Variants in CASP2 observed in about 807,000 individuals in gnomAD.
CASP2 encodes caspase 2.
Under a neutral mutation model 54.4 loss-of-function variants are expected in CASP2, and 38 were observed. That is an observed-to-expected ratio of 0.70 (90% CI 0.54 to 0.92). The LOEUF is 0.92. Ranked by LOEUF, CASP2 falls within the 40% of genes least tolerant of loss-of-function variation. The probability of loss-of-function intolerance (pLI) is 0.00; values close to 1 mark genes in which losing one functional copy is unlikely to be tolerated. For missense variants in CASP2, 512 were observed against 579.6 expected (o/e 0.88, Z 1.20); for synonymous variants, 215 against 216.3 (o/e 0.99, Z 0.05).
chr7:143,303,682 C>A, intron 8 of CASP2, 102 bp from the exon 9 acceptor site: 1 of 970,956 alleles, frequency 1.0e-6, no homozygotes, highest in Non-Finnish European at 1.6e-6. Context: ...GGAAATGGCT[C>A]TTCCCCTTCA....
intron 3 of CASP2, 49 bp downstream of exon 3, chr7:143,292,516 G>C (rs760825766): frequency 6.2e-7 from 1 of 1,610,484 alleles, no homozygotes; most frequent in East Asian, 2.2e-5. Context: ...AGTTTGACTG[G>C]AAAGGAATTT....
At chr7:143,292,866 C>T (rs1354499273) in intron 4 of CASP2, among the ~76,000 whole-genome samples, 168 bp downstream of exon 4, 1 of 152,102 alleles carries the variant, frequency 6.6e-6, no homozygotes, top group Non-Finnish European at 1.5e-5. Flanking sequence ...TAAAAACTAG[C>T]TGGGCATGGT....
intron 10 of CASP2, 53 bp downstream of exon 10, chr7:143,304,836 C>G: frequency 6.2e-7 from 1 of 1,605,952 alleles, no homozygotes; most frequent in South Asian, 1.1e-5. Flanking sequence ...CTCTACTTTC[C>G]TCCTCTCTTG....
chr7:143,294,792 A>ATTGACATG lies in CASP2; in HGVS notation c.747+21_747+28dup. ...TGCACAGGTACCTGAGGTGGGAAAA[A>ATTGACATG]TTGACATGTAAATTAGAGGACTGAA... On this transcript the variant is annotated intron_variant, in intron 6 of 10. Transcript: ENST00000310447. 1.2e-6 allele frequency: 2 copies of ATTGACATG among 1,607,414 alleles called. No individual in the cohort carries two copies. Among genetic ancestry groups the ATTGACATG allele is most frequent in the Non-Finnish European group, 8.5e-7 (1 of 1,174,898 alleles).
intron 6 of CASP2, among the ~76,000 whole-genome samples, chr7:143,299,622 CAG>C (rs1485975539): frequency 1.3e-5 from 2 of 152,200 alleles, no homozygotes; most frequent in Non-Finnish European, 2.9e-5. Context: ...GGGAATTAAT[CAG>C]AGTTGACCAG....
At chr7:143,301,903 G>A (rs1022170221) in intron 8 of CASP2, 2 of 152,234 alleles carry the variant, frequency 1.3e-5, no homozygotes, top group Non-Finnish European at 2.9e-5. Context: ...GCTTAAGTAA[G>A]AAATAATGTG....
At position 143,307,298 on chromosome 7, in the gene CASP2, ATGTT is replaced by A. The variant is rs1802091771; in HGVS notation, c.*2232_*2235del. 6.6e-6 allele frequency: 1 copy of A among 152,216 alleles called. No homozygotes were observed. The highest frequency in any genetic ancestry group is 2.4e-5 in the African/African-American group (1 of 41,462). The allele number at this position is 152,216 out of a possible 1,614,324, so 9.4% of individuals were successfully genotyped here. A position where few individuals can be genotyped will look rare whatever the true frequency, so the allele number is the denominator to read the frequency against. ...TTGGCACATAGTGGGCCTTCATTAA[ATGTT>A]TGTTGAATAAAAGAGGGAAGAAGGC... On this transcript the variant is annotated 3_prime_UTR_variant, in exon 11 of 11. Coordinates refer to ENST00000310447, the MANE Select transcript of CASP2 (RefSeq NM_032982.4).
chr7:143,307,010 T>C lies in CASP2; in HGVS notation c.*1939T>C, dbSNP rs1206936335. The C allele has an allele frequency of 6.6e-6, 1 of 152,356 alleles. No individual in the cohort carries two copies. The highest frequency in any genetic ancestry group is 1.5e-5 in the Non-Finnish European group (1 of 68,166). 9.4% of individuals were successfully genotyped at this position (152,356 alleles called of 1,614,324 possible). A position where few individuals can be genotyped will look rare whatever the true frequency, so the allele number is the denominator to read the frequency against. ...TAATTTTGTGCTCTTTCCTGCCCTT[T>C]TCCTGGGCCTTCTCAGCTCTCCACC... On this transcript the variant is annotated 3_prime_UTR_variant, in exon 11 of 11. Coordinates refer to ENST00000310447, the MANE Select transcript of CASP2 (RefSeq NM_032982.4).
In CASP2 at chr7:143,305,097, A is replaced by G. The variant is rs751640185; in HGVS notation, c.*26A>G. 1.2e-6 allele frequency: 2 copies of G among 1,613,720 alleles called. No homozygotes were observed. The highest frequency in any genetic ancestry group is 2.2e-5 in the South Asian group (2 of 91,070). On this transcript the variant is annotated 3_prime_UTR_variant, in exon 11 of 11. Transcript: ENST00000310447. ...TGTCACCTCCCCATCATCCACGCCAAGTGGAAGCCACTGGACCACAGGAGG... is the reference window on the plus strand; with the variant it reads ...TGTCACCTCCCCATCATCCACGCCAGGTGGAAGCCACTGGACCACAGGAGG...
chr7:143,304,867 C>A, intron 10 of CASP2, 73 bp from the exon 11 acceptor site: 1 of 1,609,822 alleles, frequency 6.2e-7, no homozygotes, highest in Non-Finnish European at 8.5e-7. Context: ...CATAGTCCGT[C>A]TCCCCTTCCC....
chr7:143,288,484 C>T lies in CASP2; in HGVS notation c.29C>T (p.Ser10Phe). ...GCGGCGCCGAGCGCGGGGTCTTGGT[C>T]CACCTTCCAGCACAAGGAGCTGATG... The part of the protein sequence containing the change: MAAPSAGSW[S>F]TFQHKELMAA... Residue 10 changes from serine (S) to phenylalanine (F), a missense_variant, in exon 1 of 11, where the codon TCC becomes TTC. Ser to Phe is a radical substitution (Grantham distance 155, BLOSUM62 -2). Transcript: ENST00000310447. 6.2e-7 allele frequency: 1 copy of T among 1,613,334 alleles called. No individual in the cohort carries two copies. The highest frequency in any genetic ancestry group is 2.2e-5 in the East Asian group (1 of 44,864).
At chr7:143,300,391 T>C (rs1379530180) in intron 8 of CASP2, 97 bp downstream of exon 8, 28 of 1,600,546 alleles carry the variant, frequency 1.7e-5, no homozygotes, top group Non-Finnish European at 2.3e-5. Flanking sequence ...TGCTATTGGA[T>C]CCCTTGGGCA....
intron 9 of CASP2, 47 bp from the exon 10 acceptor site, chr7:143,304,627 G>A: frequency 7.3e-7 from 1 of 1,362,944 alleles, no homozygotes; most frequent in Non-Finnish European, 1.1e-6. Context: ...GGGAAGTGCA[G>A]CTGTGTGATG....
rs1032223763 is a variant in CASP2, at chr7:143,288,378, G to T, written c.-78G>T. On this transcript the variant is annotated 5_prime_UTR_variant, in exon 1 of 11. Transcript: ENST00000310447. ...AGTGTGCGTCCGCGTCTGAGGGGAG[G>T]GATGTGGGGGAAGCGACGGCCCCCG... 7.1e-7 allele frequency: 1 copy of T among 1,415,782 alleles called. No homozygotes were observed. The allele number at this position is 1,415,782 out of a possible 1,614,324, so 87.7% of individuals were successfully genotyped here. A position where few individuals can be genotyped will look rare whatever the true frequency, so the allele number is the denominator to read the frequency against.
intron 4 of CASP2, among the ~76,000 whole-genome samples, chr7:143,292,973 C>T (rs372209813): frequency 8.6e-5 from 13 of 152,032 alleles, no homozygotes; most frequent in South Asian, 6.2e-4. Flanking sequence ...ACGGTGCCAC[C>T]GCACTCCAGC....
chr7:143,288,495 C>T lies in CASP2; in HGVS notation c.40C>T (p.His14Tyr). The T allele has an allele frequency of 1.2e-6, 2 of 1,613,396 alleles. No homozygotes were observed. The highest frequency in any genetic ancestry group is 1.7e-6 in the Non-Finnish European group (2 of 1,179,688). ...CGCGGGGTCTTGGTCCACCTTCCAGCACAAGGAGCTGATGGCCGCTGACAG... is the reference window on the plus strand; with the variant it reads ...CGCGGGGTCTTGGTCCACCTTCCAGTACAAGGAGCTGATGGCCGCTGACAG... Reference protein sequence around the residue: ...PSAGSWSTFQHKELMAADRGR... With the variant: ...PSAGSWSTFQYKELMAADRGR... Residue 14 changes from histidine to tyrosine, a missense_variant, in exon 1 of 11, where the codon CAC (histidine) becomes TAC (tyrosine). By Grantham distance (83) the His-to-Tyr change is moderately conservative. Around this residue, in one of 3 missense-constraint regions of CASP2, gnomAD observed 89 missense variants for 67.1 expected, o/e 1.33. Transcript: ENST00000310447.
At chr7:143,293,082 C>G in intron 4 of CASP2, 1 of 625,438 alleles carries the variant, frequency 1.6e-6, no homozygotes, top group Non-Finnish European at 2.8e-6. Flanking sequence ...TGTCTGGTAT[C>G]TGGCTTTGTC....
At chr7:143,297,311 T>C in intron 6 of CASP2, among the ~76,000 whole-genome samples, 1 of 152,242 alleles carries the variant, frequency 6.6e-6, no homozygotes, top group East Asian at 1.9e-4. Flanking sequence ...TCCCCATTTA[T>C]TGAATGGTTT....
chr7:143,305,228 A>G lies in CASP2; in HGVS notation c.*157A>G. 1.1e-6 allele frequency: 1 copy of G among 934,040 alleles called. No individual in the cohort carries two copies. The highest frequency in any genetic ancestry group is 1.7e-6 in the Non-Finnish European group (1 of 598,182). 57.9% of individuals were successfully genotyped at this position (934,040 alleles called of 1,614,324 possible). ...CCTGTGCCCATCATCTCTGCCTTTG[A>G]GTGTGGGACTCCAGGCCAGCTCCTT... On this transcript the variant is annotated 3_prime_UTR_variant, in exon 11 of 11. Coordinates refer to ENST00000310447, the MANE Select transcript of CASP2 (RefSeq NM_032982.4).
Sources: gnomAD v4.1 joint callset for allele counts (sites outside exome capture counted in the v4.1 genomes callset) on GRCh38, gnomAD v4.1.1 for gene constraint, gnomAD v4.1.1 regional missense constraint, MANE v1.5 for transcripts, NCBI Gene and HGNC (gene_info 2026-07-23, HGNC 2026-07-21) for gene names.